Variants in GABRB1 observed in about 807,000 individuals in gnomAD.
GABRB1 encodes the protein gamma-aminobutyric acid type A receptor subunit beta1, also known as gamma-aminobutyric acid receptor subunit beta-1.
Under a neutral mutation model 51.6 loss-of-function variants are expected in GABRB1, and 17 were observed. The observed-to-expected ratio is 0.33, with a 90% CI of 0.23 to 0.49. The LOEUF (loss-of-function observed/expected upper bound fraction) is 0.49. Among genes scored for constraint, GABRB1 ranks in the 20% least tolerant of loss-of-function variants. The probability of loss-of-function intolerance (pLI) is 0.99; values close to 1 mark genes in which losing one functional copy is unlikely to be tolerated. For synonymous variants in GABRB1, 247 were observed against 218.9 expected (o/e 1.13, Z -1.14); for missense variants, 410 against 600.6 (o/e 0.68, Z 3.32).
intron 3 of GABRB1, among the ~76,000 whole-genome samples, chr4:47,046,226 C>T (rs368595839): frequency 2.0e-4 from 30 of 152,138 alleles, no homozygotes; most frequent in East Asian, 1.7e-3. Context: ...TACCCAATGT[C>T]AGATATTTCT....
At chr4:47,128,717 C>A (rs1298104979) in intron 3 of GABRB1, among the ~76,000 whole-genome samples, 1 of 151,822 alleles carries the variant, frequency 6.6e-6, no homozygotes, top group Non-Finnish European at 1.5e-5. Context: ...TTAAACATAA[C>A]TAAAGGTGGG....
intron 3 of GABRB1, among the ~76,000 whole-genome samples, chr4:47,115,628 A>G (rs1436302408): frequency 6.6e-6 from 1 of 152,108 alleles, no homozygotes; most frequent in Admixed American, 6.6e-5. Context: ...TAAAGAGTCA[A>G]CTGAAAGCTC....
intron 4 of GABRB1, among the ~76,000 whole-genome samples, chr4:47,245,888 T>C (rs771349008): frequency 2.6e-5 from 4 of 151,274 alleles, no homozygotes; most frequent in Non-Finnish European, 5.9e-5. Flanking sequence ...CCTGGGAAAC[T>C]ATTTTTTCCC....
At chr4:47,298,728 GA>G (rs1243867529) in intron 4 of GABRB1, among the ~76,000 whole-genome samples, 1 of 152,084 alleles carries the variant, frequency 6.6e-6, no homozygotes, top group South Asian at 2.1e-4. Flanking sequence ...CACAGAATTG[GA>G]AAAAACTACT....
chr4:47,237,347 G>T (rs372607181), intron 4 of GABRB1, among the ~76,000 whole-genome samples: 4 of 151,842 alleles, frequency 2.6e-5, no homozygotes, highest in Non-Finnish European at 4.4e-5. Context: ...AAAAACCAGA[G>T]AAATAAACTA....
At chr4:46,999,378 T>C (rs1370440715) in intron 1 of GABRB1, among the ~76,000 whole-genome samples, 1 of 152,202 alleles carries the variant, frequency 6.6e-6, no homozygotes. Flanking sequence ...CCAAACCATC[T>C]AATTTAAATT....
intron 3 of GABRB1, among the ~76,000 whole-genome samples, chr4:47,105,809 T>C (rs759293006): frequency 1.2e-4 from 19 of 152,116 alleles, no homozygotes; most frequent in Non-Finnish European, 1.5e-4. Flanking sequence ...TCATAAGAAC[T>C]GTGGAGAGGA....
chr4:47,236,275 A>G (rs989137434), intron 4 of GABRB1, among the ~76,000 whole-genome samples: 2 of 152,156 alleles, frequency 1.3e-5, no homozygotes, highest in African/African-American at 4.8e-5. Context: ...TTAAAGACAC[A>G]GCAGTAAACA....
intron 3 of GABRB1, among the ~76,000 whole-genome samples, chr4:47,086,425 C>T (rs1176602449): frequency 6.6e-6 from 1 of 152,098 alleles, no homozygotes. Flanking sequence ...AAATCTTTTA[C>T]ATATTCTTTT....
At chr4:47,132,177 C>T (rs1350400759) in intron 3 of GABRB1, among the ~76,000 whole-genome samples, 1 of 152,142 alleles carries the variant, frequency 6.6e-6, no homozygotes, top group Non-Finnish European at 1.5e-5. Flanking sequence ...TTGAATTTCT[C>T]TCTCTTTTTT....
At chr4:47,000,346 A>G (rs1724140339) in intron 1 of GABRB1, among the ~76,000 whole-genome samples, 2 of 152,216 alleles carry the variant, frequency 1.3e-5, no homozygotes, top group Non-Finnish European at 2.9e-5. Context: ...TGTAAGCTTT[A>G]TCTCATTAAA....
intron 3 of GABRB1, among the ~76,000 whole-genome samples, chr4:47,089,674 T>C (rs1347377236): frequency 6.6e-6 from 1 of 152,162 alleles, no homozygotes; most frequent in African/African-American, 2.4e-5. Context: ...AATATTATAA[T>C]CGAATAGTAT....
chr4:47,416,138 G>A (rs1341605571), intron 8 of GABRB1, among the ~76,000 whole-genome samples: 2 of 152,158 alleles, frequency 1.3e-5, no homozygotes, highest in African/African-American at 4.8e-5. Context: ...GATAATTATA[G>A]TAAAGAAAAT....
chr4:47,381,908 A>G (rs1447962493), intron 5 of GABRB1, among the ~76,000 whole-genome samples: 3 of 152,238 alleles, frequency 2.0e-5, no homozygotes, highest in Admixed American at 2.0e-4. Flanking sequence ...AGAATTTGCA[A>G]AAAATTACAA....
chr4:47,011,939 G>T (rs1724593117), intron 1 of GABRB1, among the ~76,000 whole-genome samples: 1 of 151,942 alleles, frequency 6.6e-6, no homozygotes, highest in Non-Finnish European at 1.5e-5. Flanking sequence ...TAAACATCTA[G>T]GTACTCCACA....
At chr4:47,352,097 C>T (rs1480913437) in intron 5 of GABRB1, among the ~76,000 whole-genome samples, 132 of 152,176 alleles carry the variant, frequency 8.7e-4, no homozygotes, top group African/African-American at 2.9e-3. Flanking sequence ...TTAATGATTG[C>T]CATTCTAACT....
At chr4:47,356,350 C>T (rs901356307) in intron 5 of GABRB1, among the ~76,000 whole-genome samples, 13 of 152,150 alleles carry the variant, frequency 8.5e-5, no homozygotes, top group Admixed American at 3.9e-4. Context: ...CGAAAACTTT[C>T]AAGTACATGT....
intron 3 of GABRB1, among the ~76,000 whole-genome samples, chr4:47,109,444 G>A (rs1419510595): frequency 3.3e-5 from 5 of 152,000 alleles, no homozygotes; most frequent in African/African-American, 9.7e-5. Flanking sequence ...GATTTTATAC[G>A]AAATCCACAA....
intron 3 of GABRB1, among the ~76,000 whole-genome samples, chr4:47,155,054 T>C (rs1054669052): frequency 5.9e-5 from 9 of 152,096 alleles, no homozygotes; most frequent in Admixed American, 5.2e-4. Context: ...CTTATGTTTA[T>C]TGACTGCCTG....
Sources: gnomAD v4.1 joint callset for allele counts (sites outside exome capture counted in the v4.1 genomes callset) on GRCh38, gnomAD v4.1.1 for gene constraint, MANE v1.5 for transcripts, NCBI Gene and HGNC (gene_info 2026-07-23, HGNC 2026-07-21) for gene names.